CNTNAP2: variants seen among roughly 807,000 people sequenced by gnomAD.
The protein encoded by CNTNAP2 is contactin associated protein 2, also known as contactin-associated protein-like 2.
In CNTNAP2, 98 loss-of-function variants were observed where a neutral mutation model predicts 155.2. That is an observed-to-expected ratio of 0.63 (90% CI 0.54 to 0.75). CNTNAP2 has a LOEUF of 0.75. Among genes scored for constraint, CNTNAP2 ranks in the 30% least tolerant of loss-of-function variants. The pLI, the probability that CNTNAP2 is intolerant of heterozygous loss-of-function variation, is 0.00. For synonymous variants in CNTNAP2, 651 were observed against 631.2 expected (o/e 1.03, Z -0.47); for missense variants, 1,727 against 1,688.1 (o/e 1.02, Z -0.40).
At chr7:147,840,334 G>T (rs1285405862) in intron 13 of CNTNAP2, among the ~76,000 whole-genome samples, 1 of 151,918 alleles carries the variant, frequency 6.6e-6, no homozygotes, top group South Asian at 2.1e-4. Flanking sequence ...TTTAAAAAAC[G>T]AAAACAAAAT....
chr7:146,293,009 C>A (rs376567617), intron 1 of CNTNAP2, among the ~76,000 whole-genome samples: 1 of 151,816 alleles, frequency 6.6e-6, no homozygotes, highest in South Asian at 2.1e-4. Context: ...ATGTTCTCAC[C>A]ACAAAATATG....
intron 13 of CNTNAP2, among the ~76,000 whole-genome samples, chr7:147,802,918 A>G (rs1798030662): frequency 6.6e-6 from 1 of 152,160 alleles, no homozygotes; most frequent in African/African-American, 2.4e-5. Flanking sequence ...GATAGAAAAA[A>G]TAACTTCGGA....
In CNTNAP2 at chr7:147,581,547, A is replaced by G. The variant is rs112109832; in HGVS notation, c.1897+19290A>G. On this transcript the variant is annotated intron_variant, in intron 12 of 23. Transcript: ENST00000361727. ...GTTTTTCCTCCTGGAAATAAAGCCA[A>G]TATAAGACCCCTGGTCAACCAAGAG... Among the ~76,000 whole-genome samples the G allele has an allele frequency of 9.8e-5, 15 of 152,318 alleles. 1 individual carries two copies. The highest frequency in any genetic ancestry group is 3.4e-4 in the African/African-American group (14 of 41,584).
intron 9 of CNTNAP2, 46 bp from the exon 10 acceptor site, chr7:147,395,563 T>G (rs1584922777): frequency 1.3e-6 from 2 of 1,596,096 alleles, no homozygotes; most frequent in Non-Finnish European, 1.7e-6. Context: ...TTAGTGAAGG[T>G]TATACTGTAC....
intron 1 of CNTNAP2, among the ~76,000 whole-genome samples, chr7:146,151,662 A>ATATATATATATATATG (rs1798046330): frequency 2.3e-5 from 1 of 43,700 alleles, no homozygotes; most frequent in Non-Finnish European, 4.6e-5. Context: ...ATATATATAT[A>ATATATATATATATATG]TATATATATA....
intron 1 of CNTNAP2, among the ~76,000 whole-genome samples, chr7:146,605,296 G>T (rs113110963): frequency 0.03 from 4,483 of 151,064 alleles, 285 homozygotes; most frequent in African/African-American, 0.1. Flanking sequence ...CATATTATCA[G>T]ATGATTGATA....
chr7:146,934,615 GTTCAA>G (rs1242714854), intron 3 of CNTNAP2, among the ~76,000 whole-genome samples: 5 of 152,024 alleles, frequency 3.3e-5, no homozygotes, highest in Admixed American at 6.5e-5. Context: ...AAAAAAAATT[GTTCAA>G]TTCAAATTTT....
intron 13 of CNTNAP2, among the ~76,000 whole-genome samples, chr7:147,723,647 C>T (rs1051046774): frequency 6.6e-6 from 1 of 151,866 alleles, no homozygotes; most frequent in Non-Finnish European, 1.5e-5. Flanking sequence ...GTCCCTGTTG[C>T]TAATAGTAAC....
chr7:147,759,654 T>G (rs1797268779), intron 13 of CNTNAP2, among the ~76,000 whole-genome samples: 2 of 152,196 alleles, frequency 1.3e-5, no homozygotes, highest in African/African-American at 4.8e-5. Flanking sequence ...CGATCACTAG[T>G]GCAGCTCCTC....
At chr7:147,134,373 A>G (rs1273572109) in intron 8 of CNTNAP2, among the ~76,000 whole-genome samples, 2 of 151,964 alleles carry the variant, frequency 1.3e-5, no homozygotes, top group African/African-American at 4.8e-5. Flanking sequence ...ATAAAAATGG[A>G]CTGAAGAGTT....
intron 1 of CNTNAP2, among the ~76,000 whole-genome samples, chr7:146,288,297 CAAAAAAA>C (rs570614933): frequency 1.1e-5 from 1 of 91,254 alleles, no homozygotes; most frequent in Admixed American, 1.3e-4. Context: ...GATCCTGCCT[CAAAAAAA>C]AAAAAAAAAA....
chr7:148,162,189 C>G (rs1442692475), intron 17 of CNTNAP2, among the ~76,000 whole-genome samples: 1 of 152,128 alleles, frequency 6.6e-6, no homozygotes, highest in Non-Finnish European at 1.5e-5. Context: ...ACATGAAGAT[C>G]AGCAGAAAGA....
chr7:146,584,202 A>G (rs895299399), intron 1 of CNTNAP2, among the ~76,000 whole-genome samples: 2 of 152,210 alleles, frequency 1.3e-5, no homozygotes, highest in African/African-American at 4.8e-5. Context: ...GAAAACAAAC[A>G]AACAAACAAC....
intron 9 of CNTNAP2, among the ~76,000 whole-genome samples, chr7:147,371,789 T>A (rs1357092513): frequency 2.0e-5 from 3 of 152,170 alleles, no homozygotes; most frequent in Non-Finnish European, 2.9e-5. Context: ...TGTATACATG[T>A]CCTATGTGTA....
At chr7:148,110,827 CA>C (rs1804333442) in intron 15 of CNTNAP2, among the ~76,000 whole-genome samples, 1 of 152,024 alleles carries the variant, frequency 6.6e-6, no homozygotes, top group African/African-American at 2.4e-5. Flanking sequence ...CACCAGGCAC[CA>C]AAAAATGGGG....
chr7:146,215,171 A>AGT (rs1476275211), intron 1 of CNTNAP2, among the ~76,000 whole-genome samples: 1 of 152,238 alleles, frequency 6.6e-6, no homozygotes, highest in Non-Finnish European at 1.5e-5. Flanking sequence ...AAATTTTGAC[A>AGT]GTAAGAGGAA....
chr7:146,763,602 A>G (rs866431046), intron 1 of CNTNAP2, among the ~76,000 whole-genome samples: 13 of 152,344 alleles, frequency 8.5e-5, no homozygotes, highest in Middle Eastern at 3.4e-3. Context: ...TTCAAATGTT[A>G]TAAAATCAAT....
At chr7:146,793,540 T>C in intron 2 of CNTNAP2, among the ~76,000 whole-genome samples, 1 of 152,180 alleles carries the variant, frequency 6.6e-6, no homozygotes, top group Non-Finnish European at 1.5e-5. Flanking sequence ...TTATAATAAC[T>C]GAGGAGGCTA....
intron 15 of CNTNAP2, among the ~76,000 whole-genome samples, chr7:148,040,970 C>T (rs556832122): frequency 2.0e-5 from 3 of 152,160 alleles, no homozygotes; most frequent in South Asian, 2.1e-4. Context: ...AATTGTACAT[C>T]GTATACTTCC....
Sources: gnomAD v4.1 joint callset for allele counts (sites outside exome capture counted in the v4.1 genomes callset) on GRCh38, gnomAD v4.1.1 for gene constraint, MANE v1.5 for transcripts, NCBI Gene and HGNC (gene_info 2026-07-23, HGNC 2026-07-21) for gene names.